FHIT: variants seen among roughly 807,000 people sequenced by gnomAD.
The protein encoded by FHIT is fragile histidine triad diadenosine triphosphatase.
In FHIT, 19 loss-of-function variants were observed where a neutral mutation model predicts 17.9. That is an observed-to-expected ratio of 1.06 (90% confidence interval 0.74 to 1.56). FHIT has a LOEUF of 1.56. Among genes scored for constraint, FHIT ranks in the 40% most tolerant of loss-of-function variants. The pLI is 0.00. For synonymous variants in FHIT, 81 were observed against 69.7 expected (o/e 1.16, Z -0.81); for missense variants, 248 against 189.2 (o/e 1.31, Z -1.82).
chr3:59,763,060 G>T (rs550360401), intron 8 of FHIT, among the ~76,000 whole-genome samples: 11 of 152,294 alleles, frequency 7.2e-5, no homozygotes, highest in Non-Finnish European at 1.2e-4. Flanking sequence ...CGGTGTTTCA[G>T]ATATTGGTGT....
At chr3:60,656,918 C>T (rs2040128911) in intron 4 of FHIT, among the ~76,000 whole-genome samples, 1 of 151,680 alleles carries the variant, frequency 6.6e-6, no homozygotes, top group African/African-American at 2.4e-5. Flanking sequence ...AGGTGGTTTG[C>T]AGAGTGCTAT....
intron 5 of FHIT, among the ~76,000 whole-genome samples, chr3:60,058,023 G>C (rs1274038325): frequency 6.6e-6 from 1 of 151,680 alleles, no homozygotes; most frequent in Non-Finnish European, 1.5e-5. Context: ...ACCTAGAATA[G>C]GCAAGCTTAC....
chr3:59,780,095 G>A (rs1702508933), intron 8 of FHIT, among the ~76,000 whole-genome samples: 1 of 152,174 alleles, frequency 6.6e-6, no homozygotes, highest in African/African-American at 2.4e-5. Context: ...GTGTGTGGCT[G>A]TCTCCTGCCA....
intron 5 of FHIT, among the ~76,000 whole-genome samples, chr3:60,182,734 G>A (rs78845788): frequency 3.9e-5 from 6 of 152,004 alleles, no homozygotes; most frequent in Admixed American, 6.6e-5. Flanking sequence ...AGTGAGCTAT[G>A]ATGGCACCAC....
chr3:60,610,428 A>G (rs1479393185), intron 4 of FHIT, among the ~76,000 whole-genome samples: 1 of 152,202 alleles, frequency 6.6e-6, no homozygotes, highest in Non-Finnish European at 1.5e-5. Context: ...CCCTGAATGT[A>G]GTTTCATGCT....
At chr3:60,480,540 T>G (rs938743804) in intron 5 of FHIT, among the ~76,000 whole-genome samples, 1 of 152,210 alleles carries the variant, frequency 6.6e-6, no homozygotes, top group Non-Finnish European at 1.5e-5. Context: ...GTTAGTTACT[T>G]ACAAGATACA....
intron 4 of FHIT, among the ~76,000 whole-genome samples, chr3:60,628,065 T>G: frequency 6.6e-6 from 1 of 152,238 alleles, no homozygotes; most frequent in East Asian, 1.9e-4. Flanking sequence ...TTTGAGATTT[T>G]TTAAAAATAC....
At chr3:60,315,061 A>T (rs981752643) in intron 5 of FHIT, among the ~76,000 whole-genome samples, 7 of 152,194 alleles carry the variant, frequency 4.6e-5, no homozygotes, top group African/African-American at 1.7e-4. Context: ...CCCTGAGGCT[A>T]CCATATTATG....
chr3:60,042,575 G>A (rs1011555014), intron 5 of FHIT, among the ~76,000 whole-genome samples: 1 of 151,960 alleles, frequency 6.6e-6, no homozygotes, highest in Non-Finnish European at 1.5e-5. Context: ...TTGCTTGTCT[G>A]TTGCTATGTC....
chr3:60,113,993 C>A lies in FHIT; in HGVS notation c.104-99841G>T, dbSNP rs1428323506. On this transcript the variant is annotated intron_variant, in intron 5 of 9. Coordinates refer to ENST00000492590, the MANE Select transcript of FHIT (RefSeq NM_002012.4). Reference sequence around the variant, plus strand: ...CTCCAGCCTGGGCAATAGAACAAGACCCCGTCTCCAAAAAAAAAAAAAAAA... The same window carrying A: ...CTCCAGCCTGGGCAATAGAACAAGAACCCGTCTCCAAAAAAAAAAAAAAAA... 6.7e-5 allele frequency among the ~76,000 whole-genome samples: 2 copies of A among 29,654 alleles called. 1 individual carries two copies. The highest frequency in any genetic ancestry group is 1.0e-4 in the Non-Finnish European group (2 of 19,186). The allele number at this position is 29,654 out of a possible 152,430, so 19.5% of individuals were successfully genotyped here.
chr3:61,204,527 A>G (rs946081545), intron 1 of FHIT, among the ~76,000 whole-genome samples: 1 of 152,236 alleles, frequency 6.6e-6, no homozygotes, highest in African/African-American at 2.4e-5. Context: ...GAAGGGAGAA[A>G]GAAGCAAAGG....
intron 5 of FHIT, among the ~76,000 whole-genome samples, chr3:60,270,041 G>A (rs1706784692): frequency 6.6e-6 from 1 of 152,126 alleles, no homozygotes; most frequent in African/African-American, 2.4e-5. Flanking sequence ...GGGTGTATCT[G>A]ACTCTACACT....
intron 4 of FHIT, among the ~76,000 whole-genome samples, chr3:60,673,527 G>T (rs116739269): frequency 6.6e-6 from 1 of 151,948 alleles, no homozygotes; most frequent in East Asian, 1.9e-4. Flanking sequence ...GGTGGGATGG[G>T]GGGCAGCGGT....
intron 2 of FHIT, among the ~76,000 whole-genome samples, chr3:61,047,950 C>A (rs1220969929): frequency 2.0e-5 from 3 of 149,710 alleles, no homozygotes; most frequent in African/African-American, 7.3e-5. Context: ...GGATCCCTTC[C>A]TTACACCTTA....
chr3:60,121,709 A>AAACAAAAACACACACACACACACACAC (rs1553690214), intron 5 of FHIT, among the ~76,000 whole-genome samples: 1 of 116,336 alleles, frequency 8.6e-6, no homozygotes, highest in South Asian at 2.6e-4. Flanking sequence ...AAACAAAACA[A>AAACAAAAACACACACACACACACACAC]ACACACACAC....
At chr3:61,231,836 G>A (rs2040111460) in intron 1 of FHIT, among the ~76,000 whole-genome samples, 1 of 152,100 alleles carries the variant, frequency 6.6e-6, no homozygotes, top group Non-Finnish European at 1.5e-5. Flanking sequence ...GAGGGATAAG[G>A]AACTACATGA....
chr3:60,363,871 C>T (rs892878455), intron 5 of FHIT, among the ~76,000 whole-genome samples: 1 of 152,140 alleles, frequency 6.6e-6, no homozygotes. Flanking sequence ...GGAAGGTCAC[C>T]TCAGTCTAGC....
intron 5 of FHIT, among the ~76,000 whole-genome samples, chr3:60,265,570 ATAAAT>A: frequency 6.6e-6 from 1 of 152,172 alleles, no homozygotes; most frequent in Non-Finnish European, 1.5e-5. Context: ...AAAAATATAT[ATAAAT>A]TAGACTTCAT....
chr3:61,154,323 GCAGTAT>G (rs1229011256), intron 2 of FHIT, among the ~76,000 whole-genome samples: 2 of 152,098 alleles, frequency 1.3e-5, no homozygotes, highest in African/African-American at 4.8e-5. Flanking sequence ...GCTGCCAGGG[GCAGTAT>G]CAGGAAGAAT....
Sources: allele counts gnomAD v4.1 joint callset (sites outside exome capture counted in the v4.1 genomes callset), GRCh38; gene constraint gnomAD v4.1.1; transcripts MANE v1.5; gene names NCBI Gene and HGNC (gene_info 2026-07-23, HGNC 2026-07-21).